Variants in COLEC12 observed in about 807,000 individuals in gnomAD.
COLEC12 encodes collectin-12.
COLEC12 carries 33 observed loss-of-function variants against 71.1 expected under a neutral mutation model. The ratio of observed to expected loss-of-function variants is 0.46; its 90% confidence interval spans 0.35 to 0.62. The LOEUF (loss-of-function observed/expected upper bound fraction) is 0.62. Ranked by LOEUF, COLEC12 falls within the 20% of genes least tolerant of loss-of-function variation. The pLI is 0.00. For missense variants in COLEC12, 765 were observed against 916.1 expected, an observed-to-expected ratio of 0.84 and a Z score of 2.13; for synonymous variants, 350 against 353.0, an observed-to-expected ratio of 0.99 and a Z score of 0.10.
intron 2 of COLEC12, among the ~76,000 whole-genome samples, chr18:410,274 T>C (rs1054820150): frequency 1.3e-5 from 2 of 152,174 alleles, no homozygotes; most frequent in Admixed American, 6.5e-5. Flanking sequence ...GGACTTCCAC[T>C]TGTAGAAGAT....
At chr18:375,458 C>T (rs1332749666) in intron 2 of COLEC12, among the ~76,000 whole-genome samples, 1 of 152,172 alleles carries the variant, frequency 6.6e-6, no homozygotes, top group Non-Finnish European at 1.5e-5. Flanking sequence ...AATCCTCCTC[C>T]CCCATGCCTC....
At chr18:484,480 G>A (rs962500392) in intron 1 of COLEC12, among the ~76,000 whole-genome samples, 27 of 152,180 alleles carry the variant, frequency 1.8e-4, no homozygotes, top group Non-Finnish European at 3.2e-4. Flanking sequence ...AAATTAGAGA[G>A]AAAATCACAA....
chr18:321,793 C>T lies in COLEC12; in HGVS notation c.2078G>A (p.Gly693Glu). Reference sequence around the variant, plus strand: ...GCCATGACCCCAGTTATCCGGCTGTCCAGCTTTCCAATTTCTTTTAGCAAA... The same window carrying T: ...GCCATGACCCCAGTTATCCGGCTGTTCAGCTTTCCAATTTCTTTTAGCAAA... Reference protein sequence around the residue: ...TSPDYKNWKAGQPDNWGHGHG... With the variant: ...TSPDYKNWKAEQPDNWGHGHG... The change falls in exon 9 of 10, where the codon GGA becomes GAA. Residue 693 changes from glycine to glutamate, a missense_variant. Gly to Glu is a moderately conservative substitution (Grantham distance 98). Transcript: ENST00000400256. 6.2e-7 allele frequency: 1 copy of T among 1,613,618 alleles called. No homozygotes were observed. The highest frequency in any genetic ancestry group is 1.3e-5 in the African/African-American group (1 of 75,008).
chr18:450,270 G>T (rs1270642398), intron 2 of COLEC12, among the ~76,000 whole-genome samples: 1 of 152,186 alleles, frequency 6.6e-6, no homozygotes, highest in Non-Finnish European at 1.5e-5. Context: ...TTTGGGATCT[G>T]TGTCTCCGCC....
intron 2 of COLEC12, among the ~76,000 whole-genome samples, chr18:465,144 C>T (rs1279456564): frequency 6.6e-6 from 1 of 152,210 alleles, no homozygotes; most frequent in Non-Finnish European, 1.5e-5. Flanking sequence ...GTCACTCTCA[C>T]CCAGACTGGA....
chr18:370,200 A>C (rs910462365), intron 2 of COLEC12, among the ~76,000 whole-genome samples: 4 of 152,246 alleles, frequency 2.6e-5, no homozygotes, highest in African/African-American at 9.6e-5. Flanking sequence ...AGAGAATCAG[A>C]AAATGTGACC....
chr18:496,456 T>C (rs570031153), intron 1 of COLEC12, among the ~76,000 whole-genome samples: 1 of 152,330 alleles, frequency 6.6e-6, no homozygotes, highest in African/African-American at 2.4e-5. Context: ...CTATTACCAA[T>C]CAGTGAAGGG....
In COLEC12 at chr18:342,094, G is replaced by T. The variant is rs1914266424; in HGVS notation, c.1327+4201C>A. Among the ~76,000 whole-genome samples, 4 of 151,998 alleles carry T rather than the reference G, an allele frequency of 2.6e-5. No homozygotes were observed. In the South Asian group the frequency reaches 8.3e-4, roughly 32 times the overall value. On this transcript the variant is annotated intron_variant, in intron 5 of 9. Coordinates refer to ENST00000400256, the MANE Select transcript of COLEC12 (RefSeq NM_130386.3). The stretch of plus-strand genomic sequence containing the variant: ...TTTCTTGAGACGGAGTTTCACTCTT[G>T]TTGCCCAGGCTAGAGTGCAATGGTG...
intron 2 of COLEC12, among the ~76,000 whole-genome samples, chr18:429,818 C>G (rs1001876641): frequency 6.6e-6 from 1 of 152,168 alleles, no homozygotes; most frequent in Non-Finnish European, 1.5e-5. Context: ...GCCCTATGAT[C>G]GTAAAGATTC....
chr18:340,074 C>CA (rs60991743), intron 5 of COLEC12, among the ~76,000 whole-genome samples: 35,482 of 94,132 alleles, frequency 0.38, 6,103 homozygotes, highest in Admixed American at 0.44. Context: ...TGCCTGAAAG[C>CA]AAAAAAAAAA....
intron 2 of COLEC12, among the ~76,000 whole-genome samples, chr18:388,520 A>G (rs1915394339): frequency 6.6e-6 from 1 of 152,164 alleles, no homozygotes; most frequent in Non-Finnish European, 1.5e-5. Flanking sequence ...TCACTTGTCA[A>G]GTTTCTGTAT....
chr18:341,448 A>G (rs1172175754), intron 5 of COLEC12, among the ~76,000 whole-genome samples: 1 of 152,222 alleles, frequency 6.6e-6, no homozygotes, highest in Admixed American at 6.5e-5. Context: ...GTGGACTGAG[A>G]AAATGAGTGA....
rs1914381370 is a variant in COLEC12 at position 346,688 on chromosome 18, T to C, written c.934A>G (p.Lys312Glu). 3.7e-6 allele frequency: 6 copies of C among 1,614,232 alleles called. No individual in the cohort carries two copies. Among genetic ancestry groups the C allele is most frequent in the Non-Finnish European group, 4.2e-6 (5 of 1,180,018 alleles). ...TCTTTGTGTAAGTCCTGCAGGTCTT[T>C]CAGGTTCTGCTCGTTGGCTTGAGAG... ...TISQANEQNL[K>E]DLQDLHKDAE... Residue 312 changes from lysine to glutamate, a missense_variant, in exon 5 of 10, where the codon AAA (lysine) becomes GAA (glutamate). Coordinates refer to ENST00000400256, the MANE Select transcript of COLEC12 (RefSeq NM_130386.3). The surrounding 1 kb of genome is among the most constrained non-coding windows in gnomAD (Gnocchi z 4.0).
intron 2 of COLEC12, among the ~76,000 whole-genome samples, chr18:368,637 G>A (rs1403005978): frequency 4.6e-5 from 7 of 151,954 alleles, no homozygotes; most frequent in Non-Finnish European, 2.9e-5. Flanking sequence ...GGCCAAGGTG[G>A]GCGGATCATG....
intron 8 of COLEC12, 48 bp downstream of exon 8, chr18:331,620 A>G (rs528986990): frequency 8.2e-7 from 1 of 1,218,026 alleles, no homozygotes; most frequent in East Asian, 2.3e-5. Context: ...AAGTGACAAC[A>G]GAACAGTGAG....
intron 8 of COLEC12, among the ~76,000 whole-genome samples, chr18:329,204 T>C (rs1364672603): frequency 1.3e-5 from 2 of 152,134 alleles, no homozygotes; most frequent in Non-Finnish European, 2.9e-5. Context: ...AAATTTCACA[T>C]TGGGAGAGCT....
chr18:415,477 C>A (rs1915969176), intron 2 of COLEC12, among the ~76,000 whole-genome samples: 1 of 151,952 alleles, frequency 6.6e-6, no homozygotes, highest in Non-Finnish European at 1.5e-5. Flanking sequence ...TTACCACCCT[C>A]CTCAAGAGCT....
chr18:437,429 C>A (rs1916428323), intron 2 of COLEC12, among the ~76,000 whole-genome samples: 1 of 152,128 alleles, frequency 6.6e-6, no homozygotes, highest in Non-Finnish European at 1.5e-5. Context: ...CATGACTCTC[C>A]ACTTAAAATG....
intron 2 of COLEC12, among the ~76,000 whole-genome samples, chr18:365,562 C>CA (rs1914836882): frequency 2.0e-5 from 3 of 152,016 alleles, no homozygotes; most frequent in Admixed American, 6.6e-5. Context: ...TCTACAGAGC[C>CA]AAAAAACTGC....
Sources: allele counts gnomAD v4.1 joint callset (sites outside exome capture counted in the v4.1 genomes callset), GRCh38; gene constraint gnomAD v4.1.1; non-coding constraint Gnocchi (gnomAD v3.1); transcripts MANE v1.5; gene names NCBI Gene and HGNC (gene_info 2026-07-23, HGNC 2026-07-21).